Variants in HCRTR1 observed in about 807,000 individuals in gnomAD.
The protein encoded by HCRTR1 is hypocretin receptor 1, also known as orexin/Hypocretin receptor type 1.
Under a neutral mutation model 40.6 loss-of-function variants are expected in HCRTR1, and 28 were observed. The ratio of observed to expected loss-of-function variants is 0.69; its 90% CI spans 0.51 to 0.95. The LOEUF (loss-of-function observed/expected upper bound fraction) is 0.95. Among genes scored for constraint, HCRTR1 ranks in the 40% least tolerant of loss-of-function variants. HCRTR1 has a pLI of 0.00. For synonymous variants in HCRTR1, 209 were observed against 230.0 expected (o/e 0.91, Z 0.83); for missense variants, 482 against 564.7 (o/e 0.85, Z 1.48).
At chr1:31,629,647 T>C (rs1640040104), downstream of HCRTR1, among the ~76,000 whole-genome samples, 1 of 152,290 alleles carries the variant, frequency 6.6e-6, no homozygotes, top group Non-Finnish European at 1.5e-5. Flanking sequence ...GCTTCCTAAA[T>C]AGACCTTCAG....
At chr1:31,622,336 C>T (rs566486443) in intron 6 of HCRTR1, among the ~76,000 whole-genome samples, 12 of 152,086 alleles carry the variant, frequency 7.9e-5, no homozygotes, top group Non-Finnish European at 1.6e-4. Context: ...GGGACTCTCA[C>T]ACTTGGGGAT....
downstream of HCRTR1, chr1:31,632,254 C>T (rs906483327): frequency 8.6e-6 from 6 of 697,208 alleles, no homozygotes; most frequent in Non-Finnish European, 1.5e-5. Context: ...GGGGCCGTCT[C>T]ACCCAGCACT....
At chr1:31,628,890 T>C (rs1383223022), downstream of HCRTR1, among the ~76,000 whole-genome samples, 1 of 151,988 alleles carries the variant, frequency 6.6e-6, no homozygotes, top group Non-Finnish European at 1.5e-5. Context: ...CTCCACTATA[T>C]AGAGGGTTGG....
intron 7 of HCRTR1, among the ~76,000 whole-genome samples, chr1:31,624,448 C>CAA (rs11438872): frequency 0.056 from 6,098 of 109,564 alleles, 672 homozygotes; most frequent in African/African-American, 0.18. Flanking sequence ...ACAGCTGTCT[C>CAA]AAAAAAAAAA....
intron 6 of HCRTR1, among the ~76,000 whole-genome samples, chr1:31,622,851 C>A (rs1261028307): frequency 6.6e-6 from 1 of 152,142 alleles, no homozygotes; most frequent in Non-Finnish European, 1.5e-5. Context: ...CTCACCCCCA[C>A]CCCTACCCTC....
chr1:31,632,434 A>AG (rs1640132418), downstream of HCRTR1: 2 of 1,611,994 alleles, frequency 1.2e-6, no homozygotes, highest in Non-Finnish European at 1.7e-6. Context: ...GTTGTATCTT[A>AG]GGGTGTAAAG....
chr1:31,627,753 T>C, downstream of HCRTR1: 1 of 221,270 alleles, frequency 4.5e-6, no homozygotes, highest in Admixed American at 5.3e-5. Context: ...CCACACGGGA[T>C]CCCAGATGGA....
Position 31,625,099 on chromosome 1 carries a change from C to T in HCRTR1, c.1068C>T (p.Ile356=). ...ACGCCAACAGCGCTGCCAACCCCAT[C>T]ATCTACAACTTCCTCAGTGGTGAGC... is the stretch of plus-strand genomic sequence containing the variant. ...LVYANSAANP[I]IYNFLSGKFR... is the part of the protein sequence containing the mutation. The change falls in exon 8 of 9, where the codon ATC becomes ATT. Residue 356 remains isoleucine, a synonymous_variant. Coordinates refer to ENST00000403528, the MANE Select transcript of HCRTR1 (RefSeq NM_001525.3). This position sits in a 1 kb window ranked among gnomAD's most constrained non-coding sequence, Gnocchi z 4.2. 1 of 1,611,398 alleles carries T rather than the reference C, an allele frequency of 6.2e-7. No homozygotes were observed. The highest frequency in any genetic ancestry group is 8.5e-7 in the Non-Finnish European group (1 of 1,178,454).
chr1:31,627,651 C>T, downstream of HCRTR1: 1 of 310,410 alleles, frequency 3.2e-6, no homozygotes, highest in Non-Finnish European at 6.4e-6. Flanking sequence ...ATCTGTGCTG[C>T]TTAGGTTAGG....
At position 31,625,066 on chromosome 1, in the gene HCRTR1, G is replaced by C; in HGVS notation, c.1035G>C (p.Trp345Cys). The C allele has an allele frequency of 2.5e-6, 4 of 1,612,794 alleles. No individual in the cohort carries two copies. Among genetic ancestry groups the C allele is most frequent in the Non-Finnish European group, 3.4e-6 (4 of 1,179,328 alleles). The change falls in exon 8 of 9, where the codon TGG becomes TGC. Residue 345 changes from tryptophan to cysteine, a missense_variant. Transcript: ENST00000403528. This position sits in a 1 kb window ranked among gnomAD's most constrained non-coding sequence, Gnocchi z 4.2. The part of the protein sequence containing the change: ...AVYACFTFSH[W>C]LVYANSAANP... The stretch of plus-strand genomic sequence containing the variant: ...ACGCCTGCTTCACCTTCTCCCACTG[G>C]CTGGTGTACGCCAACAGCGCTGCCA...
intron 6 of HCRTR1, among the ~76,000 whole-genome samples, chr1:31,622,826 C>A (rs1230715067): frequency 6.6e-6 from 1 of 152,152 alleles, no homozygotes; most frequent in Non-Finnish European, 1.5e-5. Context: ...CTGGTATGAT[C>A]CAGGGGAGGC....
rs201493869 is a variant in HCRTR1, at chr1:31,626,828, T to A, written c.1126T>A (p.Cys376Ser). Residue 376 changes from cysteine (C) to serine (S), a missense_variant, in exon 9 of 9, where the codon TGC becomes AGC. Transcript: ENST00000403528. This position sits in a 1 kb window ranked among gnomAD's most constrained non-coding sequence, Gnocchi z 4.6. ...GCAGTTTAAGGCTGCCTTCTCCTGC[T>A]GCCTGCCTGGCCTGGGTCCCTGCGG... ...REQFKAAFSC[C>S]LPGLGPCGSL... is the part of the protein sequence containing the mutation. The A allele has an allele frequency of 1.4e-5, 23 of 1,614,048 alleles. No homozygotes were observed. The highest frequency in any genetic ancestry group is 1.9e-5 in the Non-Finnish European group (22 of 1,180,032).
Position 31,617,718 on chromosome 1 carries a change from T to A in HCRTR1, c.-367T>A, listed in dbSNP as rs908978113. The A allele has an allele frequency of 6.6e-6, 1 of 151,552 alleles. No homozygotes were observed. The highest frequency in any genetic ancestry group is 2.4e-5 in the African/African-American group (1 of 41,424). 9.4% of individuals were successfully genotyped at this position (151,552 alleles called of 1,614,324 possible). On this transcript the variant is annotated 5_prime_UTR_variant, in exon 1 of 9. Coordinates refer to ENST00000403528, the MANE Select transcript of HCRTR1 (RefSeq NM_001525.3). ...CCCGCGCAGTTGCCGCGGATCGTGC[T>A]GAGCCCCGCGAGCCGAGGCAGCGCA...
At chr1:31,631,446 C>T (rs974739019), downstream of HCRTR1, among the ~76,000 whole-genome samples, 1 of 152,178 alleles carries the variant, frequency 6.6e-6, no homozygotes, top group African/African-American at 2.4e-5. Flanking sequence ...CTTGGAGCAT[C>T]CTGTCTCTTC....
chr1:31,634,362 G>A (rs150270813), downstream of HCRTR1, among the ~76,000 whole-genome samples: 14 of 152,320 alleles, frequency 9.2e-5, no homozygotes, highest in African/African-American at 3.4e-4. Flanking sequence ...TAGCTTGTGT[G>A]ACTTTAGGCA....
At position 31,621,606 on chromosome 1, in the gene HCRTR1, T is replaced by C; in HGVS notation, c.738+14T>C. On this transcript the variant is annotated intron_variant, in intron 6 of 8. Coordinates refer to ENST00000403528, the MANE Select transcript of HCRTR1 (RefSeq NM_001525.3). ...TGGGGCCGCCAGGTGAGGCCCACTC[T>C]GGGCAGGGGCTAGGCCAGTCACTGT... The C allele has an allele frequency of 6.4e-7, 1 of 1,562,432 alleles. No homozygotes were observed.
chr1:31,627,508 C>A lies in HCRTR1; in HGVS notation c.*528C>A. 1 of 460,728 alleles carries A rather than the reference C, an allele frequency of 2.2e-6. No individual in the cohort carries two copies. Among genetic ancestry groups the A allele is most frequent in the South Asian group, 1.8e-5 (1 of 55,190 alleles). 28.5% of individuals were successfully genotyped at this position (460,728 alleles called of 1,614,324 possible). A position where few individuals can be genotyped will look rare whatever the true frequency, so the allele number is the denominator to read the frequency against. On this transcript the variant is annotated 3_prime_UTR_variant, in exon 9 of 9. Transcript: ENST00000403528. ...AACCAGGTGCCAAGGGCACACACCA[C>A]AGACCCGACCTTGTTGGCTTTGTGG... is the stretch of plus-strand genomic sequence containing the variant.
downstream of HCRTR1, chr1:31,629,766 G>A (rs972015568): frequency 3.3e-5 from 5 of 152,252 alleles, no homozygotes; most frequent in African/African-American, 1.2e-4. Flanking sequence ...CCAAGCTGCT[G>A]CTTTCTGCAT....
chr1:31,620,896 C>T lies in HCRTR1; in HGVS notation c.432C>T (p.Arg144=), dbSNP rs1490523272. 2.5e-6 allele frequency: 4 copies of T among 1,614,176 alleles called. No individual in the cohort carries two copies. In the Admixed American group the frequency reaches 5.0e-5, roughly 20 times the overall value. Reference sequence around the variant, plus strand: ...CTCTCAGCTTCATCGCCCTGGACCGCTGGTATGCCATCTGCCACCCACTAT... The same window carrying T: ...CTCTCAGCTTCATCGCCCTGGACCGTTGGTATGCCATCTGCCACCCACTAT... The part of the protein sequence containing the change: ...VLTLSFIALD[R]WYAICHPLLF... The change falls in exon 5 of 9, where the codon CGC becomes CGT. Residue 144 remains arginine (R), a synonymous_variant. Transcript: ENST00000403528.
Sources: gnomAD v4.1 joint callset for allele counts (sites outside exome capture counted in the v4.1 genomes callset) on GRCh38, gnomAD v4.1.1 for gene constraint, Gnocchi (gnomAD v3.1) non-coding constraint, MANE v1.5 for transcripts, NCBI Gene and HGNC (gene_info 2026-07-23, HGNC 2026-07-21) for gene names.